Variants in PIK3C2A observed in about 807,000 individuals in gnomAD.
PIK3C2A encodes the protein phosphatidylinositol-4-phosphate 3-kinase catalytic subunit type 2 alpha, also known as phosphatidylinositol 4-phosphate 3-kinase C2 domain-containing subunit alpha.
Under a neutral mutation model 204.5 loss-of-function variants are expected in PIK3C2A, and 97 were observed. The ratio of observed to expected loss-of-function variants is 0.47; its 90% CI spans 0.40 to 0.56. The LOEUF (loss-of-function observed/expected upper bound fraction) is 0.56. Ranked by LOEUF, PIK3C2A falls within the 20% of genes least tolerant of loss-of-function variation. The probability of loss-of-function intolerance (pLI) is 0.00; values close to 1 mark genes in which losing one functional copy is unlikely to be tolerated. For synonymous variants in PIK3C2A, 653 were observed against 664.4 expected (o/e 0.98, Z 0.26); for missense variants, 1,735 against 1,969.2 (o/e 0.88, Z 2.25).
rs1412608013 is a variant in PIK3C2A at position 17,153,409 on chromosome 11, T to C, written c.1169+2117A>G. On this transcript the variant is annotated intron_variant, in intron 3 of 32. Coordinates refer to ENST00000691414, the MANE Select transcript of PIK3C2A (RefSeq NM_002645.4). ...GAGATCGCACCACTGCATTCCACCC[T>C]GGGCAACAAGAGTGAAAACTCCATT... Among the ~76,000 whole-genome samples the C allele has an allele frequency of 1.2e-4, 18 of 148,780 alleles. No individual in the cohort carries two copies. The Admixed American group carries it at 1.2e-3, about 10-fold the overall frequency.
chr11:17,172,405 T>C (rs546130010), intron 1 of PIK3C2A, among the ~76,000 whole-genome samples: 10 of 152,250 alleles, frequency 6.6e-5, no homozygotes, highest in Admixed American at 3.3e-4. Context: ...ACCAAACATG[T>C]GAGTGAAGCC....
chr11:17,131,991 T>C lies in PIK3C2A; in HGVS notation c.2156A>G (p.Asp719Gly). The C allele has an allele frequency of 6.4e-7, 1 of 1,570,818 alleles. No individual in the cohort carries two copies. The highest frequency in any genetic ancestry group is 8.7e-7 in the Non-Finnish European group (1 of 1,146,288). ...LICSLSHNGK[D>G]LFKPIQSKKV... ...CTTTGATTGAATAGGTTTAAAAAGA[T>C]CCTTTCCATTGTGAGACAGTGAACA... Residue 719 changes from aspartate to glycine, a missense_variant, in exon 12 of 33, where the codon GAT becomes GGT. Around this residue, in one of 6 missense-constraint regions of PIK3C2A, gnomAD observed 567 missense variants for 576.0 expected, o/e 0.98. Transcript: ENST00000691414.
intron 26 of PIK3C2A, among the ~76,000 whole-genome samples, chr11:17,099,545 C>CAAAAAAAAA (rs1485359453): frequency 2.0e-5 from 3 of 151,580 alleles, no homozygotes; most frequent in African/African-American, 7.3e-5. Flanking sequence ...GACTCAGTCT[C>CAAAAAAAAA]AAAATAAAAA....
intron 32 of PIK3C2A, among the ~76,000 whole-genome samples, chr11:17,090,742 A>T (rs538562980): frequency 1.3e-3 from 192 of 145,374 alleles, no homozygotes; most frequent in South Asian, 3.0e-3. Flanking sequence ...AAAACTTAAA[A>T]TTTTTTTTTT....
At position 17,101,321 on chromosome 11, in the gene PIK3C2A, A is replaced by G. The variant is rs1175798199; in HGVS notation, c.3965T>C (p.Leu1322Ser). Residue 1322 changes from leucine to serine, a missense_variant, in exon 25 of 33, where the codon TTG becomes TCG. Transcript: ENST00000691414. Reference protein sequence around the residue: ...FVDLCCQAYNLIRKQTNLFLN... With the variant: ...FVDLCCQAYNSIRKQTNLFLN... Reference sequence around the variant, plus strand: ...AAAAAGGTTTGTCTGCTTTCTTATCAAGTTGTAGGCCTGACAGCAGAGGTC... The same window carrying G: ...AAAAAGGTTTGTCTGCTTTCTTATCGAGTTGTAGGCCTGACAGCAGAGGTC... The G allele has an allele frequency of 1.3e-6, 2 of 1,571,918 alleles. No individual in the cohort carries two copies. The highest frequency in any genetic ancestry group is 1.7e-5 in the Admixed American group (1 of 58,954).
chr11:17,135,475 A>G (rs564296457), intron 9 of PIK3C2A, among the ~76,000 whole-genome samples: 7 of 152,302 alleles, frequency 4.6e-5, no homozygotes, highest in Non-Finnish European at 7.4e-5. Context: ...CTAAAACAAC[A>G]TAAGAATATC....
chr11:17,180,685 G>C (rs1565296443), intron 1 of PIK3C2A, among the ~76,000 whole-genome samples: 1 of 152,108 alleles, frequency 6.6e-6, no homozygotes, highest in Non-Finnish European at 1.5e-5. Flanking sequence ...AGCCAGATGT[G>C]GTGGCGCACA....
chr11:17,152,554 A>G (rs1850456519), intron 3 of PIK3C2A, among the ~76,000 whole-genome samples: 1 of 152,176 alleles, frequency 6.6e-6, no homozygotes. Context: ...AGGTATTTTT[A>G]TGGATACTCT....
chr11:17,185,022 T>C (rs1342094819), intron 1 of PIK3C2A, among the ~76,000 whole-genome samples: 5 of 152,116 alleles, frequency 3.3e-5, no homozygotes, highest in Admixed American at 3.3e-4. Flanking sequence ...GTTTATAAAA[T>C]CTACAGTAGT....
intron 20 of PIK3C2A, among the ~76,000 whole-genome samples, chr11:17,112,981 G>A (rs1419763915): frequency 6.6e-6 from 1 of 151,708 alleles, no homozygotes; most frequent in Non-Finnish European, 1.5e-5. Context: ...TACAGCAAAT[G>A]AAATAACACA....
chr11:17,168,547 C>T (rs183484235), intron 2 of PIK3C2A, 130 bp downstream of exon 2: 13 of 671,428 alleles, frequency 1.9e-5, no homozygotes, highest in Middle Eastern at 4.2e-4. Context: ...CGCCACTGCA[C>T]TCCAGCCTGG....
At chr11:17,162,468 C>T (rs1408492392) in intron 2 of PIK3C2A, among the ~76,000 whole-genome samples, 1 of 152,178 alleles carries the variant, frequency 6.6e-6, no homozygotes, top group African/African-American at 2.4e-5. Context: ...AACCTGCCTC[C>T]TAACACATTT....
chr11:17,122,918 A>T, intron 13 of PIK3C2A, 105 bp from the exon 14 acceptor site: 4 of 594,860 alleles, frequency 6.7e-6, no homozygotes, highest in Non-Finnish European at 1.2e-5. Context: ...TCAACTAAAT[A>T]AAAAGGATAT....
intron 12 of PIK3C2A, among the ~76,000 whole-genome samples, chr11:17,131,506 C>T (rs1849693180): frequency 6.9e-6 from 1 of 144,462 alleles, no homozygotes; most frequent in South Asian, 2.2e-4. Flanking sequence ...ACTGAAAGCT[C>T]TGCCTCCCGG....
At chr11:17,103,315 G>A (rs1238394540) in intron 23 of PIK3C2A, among the ~76,000 whole-genome samples, 1 of 152,032 alleles carries the variant, frequency 6.6e-6, no homozygotes, top group Non-Finnish European at 1.5e-5. Flanking sequence ...CCCATGTGGT[G>A]ATTCCCTGTG....
intron 1 of PIK3C2A, among the ~76,000 whole-genome samples, chr11:17,180,254 G>A (rs566258370): frequency 1.8e-4 from 27 of 151,898 alleles, no homozygotes; most frequent in African/African-American, 6.5e-4. Context: ...GGTGGCACAT[G>A]TTACTCGGGA....
rs948918653 is a variant in PIK3C2A, at chr11:17,089,663, G to A, written c.*75C>T. The A allele has an allele frequency of 1.5e-5, 12 of 815,710 alleles. No individual in the cohort carries two copies. Among genetic ancestry groups the A allele is most frequent in the Non-Finnish European group, 2.4e-5 (12 of 498,808 alleles). The allele number at this position is 815,710 out of a possible 1,614,324, so 50.5% of individuals were successfully genotyped here. ...ACAAAATTAACAAGTGTGTGTGTGT[G>A]TGTCTGTGTGTGTGTGCATGTATGC... is the stretch of plus-strand genomic sequence containing the variant. On this transcript the variant is annotated 3_prime_UTR_variant, in exon 33 of 33. Transcript: ENST00000691414.
chr11:17,108,588 C>A (rs1848904448), intron 22 of PIK3C2A, among the ~76,000 whole-genome samples: 1 of 152,026 alleles, frequency 6.6e-6, no homozygotes, highest in South Asian at 2.1e-4. Context: ...TGCACTCCAG[C>A]CTGTATGACA....
At chr11:17,132,154 C>A (rs1031045000) in intron 11 of PIK3C2A, 116 bp from the exon 12 acceptor site, 2 of 616,586 alleles carry the variant, frequency 3.2e-6, no homozygotes, top group African/African-American at 3.8e-5. Context: ...AATCTGGTCA[C>A]CTTTCATTTG....
Sources: allele counts gnomAD v4.1 joint callset (sites outside exome capture counted in the v4.1 genomes callset), GRCh38; gene constraint gnomAD v4.1.1; regional missense constraint gnomAD v4.1.1; transcripts MANE v1.5; gene names NCBI Gene and HGNC (gene_info 2026-07-23, HGNC 2026-07-21).